The following FMN2 variants were observed in gnomAD, a reference collection of about 807,000 sequenced individuals.
FMN2 encodes formin 2.
In FMN2, 51 loss-of-function variants were observed where a neutral mutation model predicts 142.3. The observed-to-expected ratio is 0.36, with a 90% CI of 0.29 to 0.45. The LOEUF (loss-of-function observed/expected upper bound fraction) is 0.45, where lower values mean the gene tolerates loss of function less well. Among genes scored for constraint, FMN2 ranks in the 20% least tolerant of loss-of-function variants. The probability of loss-of-function intolerance (pLI) is 1.00; values close to 1 mark genes in which losing one functional copy is unlikely to be tolerated. For missense variants in FMN2, 1,936 were observed against 2,122.8 expected (o/e 0.91, Z 1.73); for synonymous variants, 882 against 869.8 (o/e 1.01, Z -0.25).
At chr1:240,441,457 A>C (rs1675615576) in intron 16 of FMN2, among the ~76,000 whole-genome samples, 2 of 152,188 alleles carry the variant, frequency 1.3e-5, no homozygotes, top group Admixed American at 1.3e-4. Flanking sequence ...AATTACAAAT[A>C]CTTAAAATGG....
chr1:240,261,265 T>G (rs1256745843), intron 7 of FMN2, among the ~76,000 whole-genome samples: 4 of 152,102 alleles, frequency 2.6e-5, no homozygotes, highest in Admixed American at 2.0e-4. Flanking sequence ...ATAAGACCTG[T>G]GAGTGGTCCA....
intron 7 of FMN2, among the ~76,000 whole-genome samples, chr1:240,286,969 G>C (rs1167577073): frequency 2.6e-5 from 4 of 152,110 alleles, no homozygotes; most frequent in Non-Finnish European, 5.9e-5. Context: ...TCACTATACT[G>C]TCAGCTCTTC....
chr1:240,445,746 T>C (rs546283121), intron 16 of FMN2, among the ~76,000 whole-genome samples: 10 of 148,394 alleles, frequency 6.7e-5, no homozygotes, highest in East Asian at 2.0e-4. Context: ...ATATGATACA[T>C]GTAATGAGAA....
chr1:240,171,257 A>G lies in FMN2; in HGVS notation c.1783-6664A>G. The G allele has an allele frequency of 5.3e-6, 4 of 759,516 alleles. No individual in the cohort carries two copies. In the South Asian group the frequency reaches 5.5e-5, roughly 10 times the overall value. 47.0% of individuals were successfully genotyped at this position (759,516 alleles called of 1,614,324 possible). On this transcript the variant is annotated intron_variant, in intron 2 of 17. Transcript: ENST00000319653. ...ATTAACAAAGCCTTTGAACTGTTGC[A>G]TTCTGGAAAAAGCATTCGAACTGTT...
chr1:240,118,582 T>C (rs1045426263), intron 1 of FMN2, among the ~76,000 whole-genome samples: 1 of 152,160 alleles, frequency 6.6e-6, no homozygotes, highest in African/African-American at 2.4e-5. Context: ...GGGAACCCAC[T>C]GGAGAGTTTG....
At chr1:240,329,804 T>TTC (rs1396433360) in intron 10 of FMN2, among the ~76,000 whole-genome samples, 1 of 151,874 alleles carries the variant, frequency 6.6e-6, no homozygotes, top group Admixed American at 6.6e-5. Context: ...TTGAAGGCTT[T>TTC]TTTTTTTACT....
At chr1:240,245,513 A>G (rs765934241) in intron 6 of FMN2, 1 of 471,512 alleles carries the variant, frequency 2.1e-6, no homozygotes, top group South Asian at 1.5e-5. Flanking sequence ...AGATCATGGT[A>G]TCACTGACTG....
chr1:240,135,682 CTTT>C (rs201355071), intron 2 of FMN2, among the ~76,000 whole-genome samples: 9 of 136,148 alleles, frequency 6.6e-5, no homozygotes, highest in Non-Finnish European at 8.0e-5. Flanking sequence ...TGTCATGTTT[CTTT>C]TTTTTTTTTT....
At chr1:240,297,667 A>G (rs377174614) in intron 8 of FMN2, among the ~76,000 whole-genome samples, 18 of 152,250 alleles carry the variant, frequency 1.2e-4, no homozygotes, top group African/African-American at 4.1e-4. Context: ...TAATTTCACA[A>G]AATATAAATT....
chr1:240,168,041 ACT>A (rs1451321994), intron 2 of FMN2, among the ~76,000 whole-genome samples: 1 of 152,092 alleles, frequency 6.6e-6, no homozygotes, highest in Non-Finnish European at 1.5e-5. Flanking sequence ...ACAGAGTGAG[ACT>A]CTGTCTCAAA....
At chr1:240,262,798 G>C (rs1668674464) in intron 7 of FMN2, among the ~76,000 whole-genome samples, 1 of 125,084 alleles carries the variant, frequency 8.0e-6, no homozygotes, top group Admixed American at 1.0e-4. Flanking sequence ...GTCTCACTCT[G>C]TCATCCAGGC....
intron 15 of FMN2, among the ~76,000 whole-genome samples, chr1:240,431,691 G>T (rs1675183400): frequency 6.6e-6 from 1 of 151,174 alleles, no homozygotes; most frequent in South Asian, 2.1e-4. Context: ...AACTGGTGTT[G>T]ATTTTTTTCC....
intron 14 of FMN2, among the ~76,000 whole-genome samples, chr1:240,377,511 T>C (rs1020326863): frequency 6.6e-6 from 1 of 152,206 alleles, no homozygotes; most frequent in African/African-American, 2.4e-5. Flanking sequence ...ATATTAGCAG[T>C]GCTGTGTTCC....
chr1:240,097,576 T>C (rs947164438), intron 1 of FMN2, among the ~76,000 whole-genome samples: 5 of 152,052 alleles, frequency 3.3e-5, no homozygotes, highest in East Asian at 1.9e-4. Context: ...AGGATGGTCT[T>C]GATCTCCTGA....
chr1:240,116,460 A>G (rs1166253529), intron 1 of FMN2, among the ~76,000 whole-genome samples: 1 of 152,220 alleles, frequency 6.6e-6, no homozygotes, highest in Non-Finnish European at 1.5e-5. Context: ...AGCCATTAAA[A>G]GGGACTTGGG....
chr1:240,268,379 G>A (rs759555894), intron 7 of FMN2, among the ~76,000 whole-genome samples: 2 of 151,988 alleles, frequency 1.3e-5, no homozygotes, highest in African/African-American at 4.8e-5. Context: ...TAGAAGTTGA[G>A]CATGACTACA....
At chr1:240,198,997 C>T (rs541777412) in intron 4 of FMN2, among the ~76,000 whole-genome samples, 8 of 151,990 alleles carry the variant, frequency 5.3e-5, no homozygotes, top group Non-Finnish European at 7.4e-5. Flanking sequence ...CCCAGCTACT[C>T]GGGAGGCTGA....
chr1:240,282,855 C>T (rs556804284), intron 7 of FMN2, among the ~76,000 whole-genome samples: 5 of 152,156 alleles, frequency 3.3e-5, no homozygotes, highest in Non-Finnish European at 7.4e-5. Flanking sequence ...CAAGCAAAAT[C>T]CAACACAAAT....
intron 15 of FMN2, among the ~76,000 whole-genome samples, chr1:240,425,913 C>G (rs979254297): frequency 1.3e-5 from 2 of 152,200 alleles, no homozygotes; most frequent in African/African-American, 4.8e-5. Flanking sequence ...TACCTGCTCC[C>G]TGATGAATAA....
Sources: allele counts gnomAD v4.1 joint callset (sites outside exome capture counted in the v4.1 genomes callset), GRCh38; gene constraint gnomAD v4.1.1; transcripts MANE v1.5; gene names NCBI Gene and HGNC (gene_info 2026-07-23, HGNC 2026-07-21).